RIT2: variants seen among roughly 807,000 people sequenced by gnomAD.
RIT2 encodes GTP-binding protein Rit2.
A neutral mutation model predicts 23.7 loss-of-function variants in RIT2; 24 were observed. The observed-to-expected ratio is 1.01, with a 90% confidence interval of 0.73 to 1.43. RIT2 has a LOEUF of 1.43. Ranked by LOEUF, RIT2 falls within the 40% of genes most tolerant of loss-of-function variation. The probability of loss-of-function intolerance (pLI) is 0.00; values close to 1 mark genes in which losing one functional copy is unlikely to be tolerated. For missense variants in RIT2, 236 were observed against 266.9 expected (o/e 0.88, Z 0.81); for synonymous variants, 107 against 91.1 (o/e 1.17, Z -0.99).
intron 1 of RIT2, among the ~76,000 whole-genome samples, chr18:43,105,648 G>T (rs1397150087): frequency 6.6e-6 from 1 of 152,132 alleles, no homozygotes; most frequent in Non-Finnish European, 1.5e-5. Flanking sequence ...GAGGAAAAGG[G>T]AGACTCAAAG....
At chr18:42,871,313 A>G (rs1428143335) in intron 4 of RIT2, among the ~76,000 whole-genome samples, 2 of 152,186 alleles carry the variant, frequency 1.3e-5, no homozygotes, top group Admixed American at 6.5e-5. Context: ...ATTCTGAAGA[A>G]GTCATAATCA....
At chr18:42,945,866 C>T (rs555116160) in intron 3 of RIT2, among the ~76,000 whole-genome samples, 2 of 152,002 alleles carry the variant, frequency 1.3e-5, no homozygotes, top group East Asian at 3.9e-4. Context: ...GTATTTGATA[C>T]ATTTTAAGCT....
chr18:43,108,621 C>G (rs1177513758), intron 1 of RIT2, among the ~76,000 whole-genome samples: 1 of 152,210 alleles, frequency 6.6e-6, no homozygotes, highest in African/African-American at 2.4e-5. Context: ...TAGAAACTCT[C>G]TTTCATCAAT....
intron 1 of RIT2, among the ~76,000 whole-genome samples, chr18:43,038,516 C>G (rs1475226973): frequency 2.6e-5 from 4 of 151,980 alleles, no homozygotes; most frequent in African/African-American, 9.7e-5. Flanking sequence ...CCAAACTATT[C>G]TCCCAAGGGT....
intron 4 of RIT2, among the ~76,000 whole-genome samples, chr18:42,850,995 T>C (rs2144036020): frequency 6.6e-6 from 1 of 152,338 alleles, no homozygotes; most frequent in Non-Finnish European, 1.5e-5. Context: ...ATCTTCCACA[T>C]TGCTTTTTAC....
intron 1 of RIT2, among the ~76,000 whole-genome samples, chr18:43,041,872 CAG>C (rs1427317618): frequency 2.6e-5 from 4 of 151,962 alleles, no homozygotes; most frequent in African/African-American, 9.7e-5. Context: ...TGGCCAGAGG[CAG>C]AGACTGTCAG....
At chr18:43,090,889 G>A (rs1356868520) in intron 1 of RIT2, among the ~76,000 whole-genome samples, 1 of 151,868 alleles carries the variant, frequency 6.6e-6, no homozygotes, top group Non-Finnish European at 1.5e-5. Flanking sequence ...ATGGTGGGAG[G>A]AGGAAAAGGA....
chr18:42,780,060 T>G (rs1250310769), intron 4 of RIT2, among the ~76,000 whole-genome samples: 1 of 136,850 alleles, frequency 7.3e-6, no homozygotes, highest in African/African-American at 2.7e-5. Flanking sequence ...TTTTTTTTTT[T>G]TTTTTTTTTT....
In RIT2 at chr18:43,064,026, AAG is replaced by A. The variant is rs139555794; in HGVS notation, c.104-30161_104-30160del. Among the ~76,000 whole-genome samples, 685 of 152,326 alleles carry A rather than the reference AAG, an allele frequency of 4.5e-3. 8 individuals are homozygous for A. The highest frequency in any genetic ancestry group is 0.015 in the African/African-American group (643 of 41,580). ...AAGGTAAAGGATTTGATTAGAGACT[AAG>A]AAGTTCAGCAGTGGCAATACTGGAA... is the stretch of plus-strand genomic sequence containing the variant. On this transcript the variant is annotated intron_variant, in intron 1 of 4. Coordinates refer to ENST00000326695, the MANE Select transcript of RIT2 (RefSeq NM_002930.4).
At chr18:42,948,220 G>A (rs1482841451) in intron 3 of RIT2, among the ~76,000 whole-genome samples, 3 of 152,094 alleles carry the variant, frequency 2.0e-5, no homozygotes, top group Non-Finnish European at 4.4e-5. Flanking sequence ...AACAAGAAGT[G>A]AAAATAATTT....
At chr18:42,919,640 G>C (rs905411558) in intron 4 of RIT2, among the ~76,000 whole-genome samples, 2 of 152,064 alleles carry the variant, frequency 1.3e-5, no homozygotes, top group African/African-American at 4.8e-5. Flanking sequence ...CTTGAAGCTG[G>C]GAGGTGGAAG....
intron 4 of RIT2, among the ~76,000 whole-genome samples, chr18:42,789,215 G>A (rs916529686): frequency 6.6e-6 from 1 of 152,124 alleles, no homozygotes; most frequent in Middle Eastern, 3.2e-3. Flanking sequence ...AATGTCAACA[G>A]AGTGAAAATG....
intron 2 of RIT2, among the ~76,000 whole-genome samples, chr18:43,026,990 C>T (rs1353974755): frequency 2.6e-5 from 4 of 152,038 alleles, no homozygotes; most frequent in African/African-American, 4.8e-5. Flanking sequence ...AAAGCTGTTA[C>T]AGAAGTTAGA....
intron 1 of RIT2, among the ~76,000 whole-genome samples, chr18:43,067,913 G>A (rs1272669958): frequency 6.6e-6 from 1 of 151,976 alleles, no homozygotes; most frequent in Non-Finnish European, 1.5e-5. Flanking sequence ...GAGGGGGGCT[G>A]GAATTTTATT....
chr18:42,837,738 C>T (rs1411518333), intron 4 of RIT2, among the ~76,000 whole-genome samples: 1 of 152,048 alleles, frequency 6.6e-6, no homozygotes, highest in Non-Finnish European at 1.5e-5. Context: ...CAGTTTGAGC[C>T]ATTAAGCCAA....
intron 4 of RIT2, among the ~76,000 whole-genome samples, chr18:42,906,011 T>C (rs1296623946): frequency 2.3e-5 from 3 of 130,572 alleles, no homozygotes; most frequent in African/African-American, 1.0e-4. Context: ...TATATACATA[T>C]ATATATATAT....
chr18:42,842,106 A>G (rs937176423), intron 4 of RIT2, among the ~76,000 whole-genome samples: 1 of 152,240 alleles, frequency 6.6e-6, no homozygotes, highest in Non-Finnish European at 1.5e-5. Context: ...TAATTTGCCT[A>G]TTAATGATAT....
At chr18:42,876,811 C>T (rs1338961545) in intron 4 of RIT2, among the ~76,000 whole-genome samples, 2 of 151,792 alleles carry the variant, frequency 1.3e-5, no homozygotes, top group Non-Finnish European at 2.9e-5. Context: ...TTTGTTCCCA[C>T]ATCATTTGAT....
At chr18:42,807,791 A>ATGTGTGTGTGTGTGTG (rs10551770) in intron 4 of RIT2, among the ~76,000 whole-genome samples, 1 of 147,496 alleles carries the variant, frequency 6.8e-6, no homozygotes, top group Non-Finnish European at 1.5e-5. Flanking sequence ...CACAAAGTGA[A>ATGTGTGTGTGTGTGTG]TGTGTGTGTG....
Sources: gnomAD v4.1 joint callset for allele counts (sites outside exome capture counted in the v4.1 genomes callset) on GRCh38, gnomAD v4.1.1 for gene constraint, MANE v1.5 for transcripts, NCBI Gene and HGNC (gene_info 2026-07-23, HGNC 2026-07-21) for gene names.